Variants in SYNJ2 observed in about 807,000 individuals in gnomAD.
SYNJ2 encodes polyphosphatidylinositol phosphatase SYNJ2.
A neutral mutation model predicts 141.3 loss-of-function variants in SYNJ2; 116 were observed. The observed-to-expected ratio is 0.82, with a 90% CI of 0.71 to 0.96. SYNJ2 has a LOEUF of 0.96. Among genes scored for constraint, SYNJ2 ranks in the 40% least tolerant of loss-of-function variants. The probability of loss-of-function intolerance (pLI) is 0.00; values close to 1 mark genes in which losing one functional copy is unlikely to be tolerated. For synonymous variants in SYNJ2, 745 were observed against 777.7 expected (o/e 0.96, Z 0.70); for missense variants, 1,873 against 1,934.8 (o/e 0.97, Z 0.60).
intron 11 of SYNJ2, among the ~76,000 whole-genome samples, chr6:158,065,297 C>CTGG (rs1394099466): frequency 1.3e-5 from 2 of 152,220 alleles, no homozygotes; most frequent in Non-Finnish European, 2.9e-5. Flanking sequence ...GAATGCTAAC[C>CTGG]TACTCCAGAA....
chr6:158,005,954 C>A lies in SYNJ2; in HGVS notation c.128-11250C>A, dbSNP rs1008844540. 2.0e-5 allele frequency among the ~76,000 whole-genome samples: 3 copies of A among 152,308 alleles called. No individual in the cohort carries two copies. The East Asian group carries it at 5.8e-4, about 29-fold the overall frequency. ...GCCAGTGCTACCTGTGTGCAGATGC[C>A]CATGGCCTGCTCCAGGGCATGGCTT... On this transcript the variant is annotated intron_variant, in intron 1 of 26. Transcript: ENST00000355585.
At chr6:158,076,316 G>A (rs1274037807) in intron 16 of SYNJ2, among the ~76,000 whole-genome samples, 3 of 152,310 alleles carry the variant, frequency 2.0e-5, no homozygotes, top group East Asian at 3.9e-4. Context: ...GTAAAGATGA[G>A]CACCCCTGAC....
intron 7 of SYNJ2, among the ~76,000 whole-genome samples, chr6:158,060,047 T>C (rs903010551): frequency 8.5e-5 from 13 of 152,196 alleles, no homozygotes; most frequent in African/African-American, 3.1e-4. Flanking sequence ...TGGCTGGTCC[T>C]GGGTGAGTTC....
chr6:158,038,240 C>G (rs1779744096), intron 4 of SYNJ2, among the ~76,000 whole-genome samples: 1 of 152,122 alleles, frequency 6.6e-6, no homozygotes, highest in Admixed American at 6.6e-5. Context: ...TGTGTTTTGT[C>G]CTTTTTCGTC....
chr6:158,042,349 T>C (rs1313561643), intron 4 of SYNJ2, among the ~76,000 whole-genome samples: 2 of 152,234 alleles, frequency 1.3e-5, no homozygotes, highest in African/African-American at 4.8e-5. Flanking sequence ...GTGGCTCTAA[T>C]TTTCAGGTCC....
intron 1 of SYNJ2, among the ~76,000 whole-genome samples, chr6:158,010,446 G>T (rs906463803): frequency 6.6e-6 from 1 of 152,234 alleles, no homozygotes; most frequent in African/African-American, 2.4e-5. Context: ...CTGGGGTGGG[G>T]TGCATGCTCC....
At chr6:157,983,028 G>A (rs943049108) in intron 1 of SYNJ2, among the ~76,000 whole-genome samples, 1 of 152,244 alleles carries the variant, frequency 6.6e-6, no homozygotes, top group Non-Finnish European at 1.5e-5. Context: ...CCACCACTAG[G>A]CGTCCAGCTG....
intron 1 of SYNJ2, among the ~76,000 whole-genome samples, chr6:158,011,064 G>A (rs1778249786): frequency 6.6e-6 from 1 of 151,312 alleles, no homozygotes; most frequent in African/African-American, 2.4e-5. Flanking sequence ...CATAATGGTG[G>A]GGGGACACGT....
rs1781897705 is a variant in SYNJ2 at position 158,071,188 on chromosome 6, A to G, written c.1941-414A>G. 6.6e-6 allele frequency among the ~76,000 whole-genome samples: 1 copy of G among 152,194 alleles called. No homozygotes were observed. The highest frequency in any genetic ancestry group is 2.1e-4 in the South Asian group (1 of 4,832). On this transcript the variant is annotated intron_variant, in intron 14 of 26. Coordinates refer to ENST00000355585, the MANE Select transcript of SYNJ2 (RefSeq NM_003898.4). This position sits in a 1 kb window ranked among gnomAD's most constrained non-coding sequence, Gnocchi z 4.3. ...ACAGAGCGAGACTCTGTCTCAAAAT[A>G]ACAATAATAATTTAAAAATGTGTTG...
intron 4 of SYNJ2, among the ~76,000 whole-genome samples, chr6:158,035,354 G>C (rs1205718605): frequency 2.0e-5 from 3 of 152,060 alleles, no homozygotes; most frequent in African/African-American, 7.2e-5. Context: ...CAATTTCTTT[G>C]AGCAGTGTTT....
chr6:158,011,738 T>C (rs1293833012), intron 1 of SYNJ2, among the ~76,000 whole-genome samples: 1 of 152,108 alleles, frequency 6.6e-6, no homozygotes, highest in African/African-American at 2.4e-5. Context: ...CCACAACACT[T>C]TGTTTAGCAA....
rs1018767635 is a variant in SYNJ2, at chr6:158,071,263, G to A, written c.1941-339G>A. On this transcript the variant is annotated intron_variant, in intron 14 of 26. Transcript: ENST00000355585. This position sits in a 1 kb window ranked among gnomAD's most constrained non-coding sequence, Gnocchi z 4.3. ...CATGGCGTGATGGCTGCACAGGAGT[G>A]GGGTGGGCTGGTGGGTGGTGATGTT... Among the ~76,000 whole-genome samples the A allele has an allele frequency of 6.6e-6, 1 of 152,186 alleles. No homozygotes were observed. Among genetic ancestry groups the A allele is most frequent in the Non-Finnish European group, 1.5e-5 (1 of 68,036 alleles).
At chr6:158,033,358 C>G (rs940262032) in intron 3 of SYNJ2, 97 bp from the exon 4 acceptor site, 1 of 1,333,562 alleles carries the variant, frequency 7.5e-7, no homozygotes, top group Admixed American at 2.0e-5. Flanking sequence ...AATGCTGCAC[C>G]GTGCGCCCCC....
chr6:158,062,163 C>T lies in SYNJ2; in HGVS notation c.1126C>T (p.Arg376Cys), dbSNP rs371150490. 8.1e-6 allele frequency: 13 copies of T among 1,612,484 alleles called. No individual in the cohort carries two copies. Among genetic ancestry groups the T allele is most frequent in the South Asian group, 2.2e-5 (2 of 91,020 alleles). The change falls in exon 8 of 27, where the codon CGT becomes TGT. Residue 376 changes from arginine (R) to cysteine (C), a missense_variant and splice_region_variant. Coordinates refer to ENST00000355585, the MANE Select transcript of SYNJ2 (RefSeq NM_003898.4). ...VFTKGENVSPRFQKGTLRMNC... is the reference protein window; with the variant it reads ...VFTKGENVSPCFQKGTLRMNC... The stretch of plus-strand genomic sequence containing the variant: ...CACAAAGGGGGAGAACGTCAGTCCA[C>T]GGTGAGGCTCGCTGCGCACTGTGCC...
chr6:158,046,891 T>C (rs1247833782), intron 5 of SYNJ2, among the ~76,000 whole-genome samples: 1 of 149,306 alleles, frequency 6.7e-6, no homozygotes, highest in Non-Finnish European at 1.5e-5. Context: ...TGTAGAAGCT[T>C]CCCCCCACCA....
At chr6:158,032,832 C>G (rs1779439032) in intron 3 of SYNJ2, among the ~76,000 whole-genome samples, 1 of 152,206 alleles carries the variant, frequency 6.6e-6, no homozygotes, top group South Asian at 2.1e-4. Flanking sequence ...GACTCTAGAG[C>G]CTACAGCAAT....
Position 158,017,235 on chromosome 6 carries a change from G to A in SYNJ2, c.159G>A (p.Gln53=). Residue 53 remains glutamine, a synonymous_variant, in exon 2 of 27, where the codon CAG becomes CAA. Coordinates refer to ENST00000355585, the MANE Select transcript of SYNJ2 (RefSeq NM_003898.4). ...APEEKEVIKG[Q]YGKLTDAYGC... ...AAGAAAAGGAAGTCATTAAAGGACA[G>A]TATGGCAAGCTCACGGACGCGTACG... 6.2e-7 allele frequency: 1 copy of A among 1,613,368 alleles called. No individual in the cohort carries two copies. The highest frequency in any genetic ancestry group is 8.5e-7 in the Non-Finnish European group (1 of 1,179,960).
chr6:157,984,542 T>A (rs1207258846), intron 1 of SYNJ2, among the ~76,000 whole-genome samples: 1 of 152,140 alleles, frequency 6.6e-6, no homozygotes, highest in African/African-American at 2.4e-5. Flanking sequence ...TAGCTAGGAT[T>A]ACAGGCACAC....
chr6:158,078,312 C>T, intron 18 of SYNJ2, 31 bp downstream of exon 18: 2 of 1,480,124 alleles, frequency 1.4e-6, no homozygotes, highest in Non-Finnish European at 9.4e-7. Flanking sequence ...GCGTTTTCTC[C>T]TGTGCTGGGC....
Sources: allele counts gnomAD v4.1 joint callset (sites outside exome capture counted in the v4.1 genomes callset), GRCh38; gene constraint gnomAD v4.1.1; non-coding constraint Gnocchi (gnomAD v3.1); transcripts MANE v1.5; gene names NCBI Gene and HGNC (gene_info 2026-07-23, HGNC 2026-07-21).